Variants in SLC9A3 observed in about 807,000 individuals in gnomAD.
SLC9A3 encodes the protein sodium/hydrogen exchanger 3.
Under a neutral mutation model 86.8 loss-of-function variants are expected in SLC9A3, and 37 were observed. The ratio of observed to expected loss-of-function variants is 0.43; its 90% CI spans 0.33 to 0.56. SLC9A3 has a LOEUF of 0.56. Among genes scored for constraint, SLC9A3 ranks in the 20% least tolerant of loss-of-function variants. The pLI is 0.06. For synonymous variants in SLC9A3, 581 were observed against 528.3 expected, an observed-to-expected ratio of 1.10 and a Z score of -1.37; for missense variants, 1,011 against 1,171.9, an observed-to-expected ratio of 0.86 and a Z score of 2.00.
chr5:490,931 C>T (rs1407299276), intron 2 of SLC9A3, among the ~76,000 whole-genome samples: 1 of 152,204 alleles, frequency 6.6e-6, no homozygotes, highest in South Asian at 2.1e-4. Flanking sequence ...GCGGCCCCAA[C>T]CCGGGAGCTC....
chr5:502,367 A>G (rs1238680139), intron 1 of SLC9A3, among the ~76,000 whole-genome samples: 3 of 152,172 alleles, frequency 2.0e-5, no homozygotes, highest in Non-Finnish European at 2.9e-5. Context: ...CCCACAGCAG[A>G]GGAAAGACCT....
intron 12 of SLC9A3, 76 bp downstream of exon 12, chr5:476,467 G>A: frequency 1.2e-6 from 2 of 1,602,498 alleles, no homozygotes. Context: ...GATCCCCCGT[G>A]GTCCCAGGAG....
Position 475,049 on chromosome 5 carries a change from C to A in SLC9A3, c.2335G>T (p.Glu779Ter). The change falls in exon 16 of 17, where the codon GAG (glutamate) becomes TAG (stop). Residue 779 changes from glutamate (E) to a stop codon, truncating the protein, a stop_gained. Transcript: ENST00000264938. LOFTEE classifies it high-confidence loss of function. ...ARLPPWLSPG[E>*]TVVPSQRART... ...GCCCTCTGCGAGGGGACCACCGTCT[C>A]CCCGGGAGACAGCCAGGGCGGCAGC... is the stretch of plus-strand genomic sequence containing the variant. 1 of 1,612,260 alleles carries A rather than the reference C, an allele frequency of 6.2e-7. No homozygotes were observed. Among genetic ancestry groups the A allele is most frequent in the Non-Finnish European group, 8.5e-7 (1 of 1,179,738 alleles).
At chr5:476,795 T>C (rs890977) in intron 11 of SLC9A3, 123 bp from the exon 12 acceptor site, 1,080,699 of 1,239,260 alleles carry the variant, frequency 0.87, 474,514 homozygotes, top group African/African-American at 0.96. Context: ...CGCCTTCCCA[T>C]GGTGGGCACC....
intron 1 of SLC9A3, among the ~76,000 whole-genome samples, chr5:513,157 T>G (rs1560974985): frequency 6.6e-6 from 1 of 152,086 alleles, no homozygotes; most frequent in Non-Finnish European, 1.5e-5. Flanking sequence ...CTGGGACCAC[T>G]GAGATGCCAG....
intron 11 of SLC9A3, chr5:476,971 C>T: frequency 3.8e-6 from 2 of 527,398 alleles, no homozygotes; most frequent in Non-Finnish European, 6.9e-6. Flanking sequence ...CCAGCATCTG[C>T]ACATCTGGCA....
At position 475,553 on chromosome 5, in the gene SLC9A3, G is replaced by A. The variant is rs761183422; in HGVS notation, c.2251+8C>T. The A allele has an allele frequency of 1.4e-5, 21 of 1,515,776 alleles. No individual in the cohort carries two copies. In the South Asian group the frequency reaches 1.7e-4, roughly 12 times the overall value. The allele number at this position is 1,515,776 out of a possible 1,614,324, so 93.9% of individuals were successfully genotyped here. On this transcript the variant is annotated splice_region_variant and intron_variant, in intron 15 of 16. Coordinates refer to ENST00000264938, the MANE Select transcript of SLC9A3 (RefSeq NM_004174.4). ...CCCTTAGCCACGACGCCTGTGCCCCGTCCCCACCTGCAGGGGAGTCGGACG... is the reference window on the plus strand; with the variant it reads ...CCCTTAGCCACGACGCCTGTGCCCCATCCCCACCTGCAGGGGAGTCGGACG...
At chr5:502,577 A>C (rs1196657608) in intron 1 of SLC9A3, among the ~76,000 whole-genome samples, 1 of 152,252 alleles carries the variant, frequency 6.6e-6, no homozygotes, top group Non-Finnish European at 1.5e-5. Flanking sequence ...TCAGAGGAGA[A>C]CGCAAGATGG....
Position 500,219 on chromosome 5 carries a change from C to T in SLC9A3, c.212-8148G>A, listed in dbSNP as rs904677562. Among the ~76,000 whole-genome samples, 6 of 152,228 alleles carry T rather than the reference C, an allele frequency of 3.9e-5. No homozygotes were observed. The East Asian group carries it at 7.7e-4, about 20-fold the overall frequency. Reference sequence around the variant, plus strand: ...GGAACCAGGCGGTGTGGGACCCTCCCGAGACGCACTATGCAGAGCCTGGGC... The same window carrying T: ...GGAACCAGGCGGTGTGGGACCCTCCTGAGACGCACTATGCAGAGCCTGGGC... On this transcript the variant is annotated intron_variant, in intron 1 of 16. Coordinates refer to ENST00000264938, the MANE Select transcript of SLC9A3 (RefSeq NM_004174.4).
intron 1 of SLC9A3, among the ~76,000 whole-genome samples, chr5:493,660 G>A (rs528038375): frequency 5.3e-5 from 8 of 152,330 alleles, no homozygotes; most frequent in South Asian, 4.1e-4. Flanking sequence ...GCGGTCTCCC[G>A]ACCCTGTCCC....
chr5:494,708 C>T (rs1156473059), intron 1 of SLC9A3, among the ~76,000 whole-genome samples: 1 of 152,224 alleles, frequency 6.6e-6, no homozygotes, highest in Non-Finnish European at 1.5e-5. Context: ...CGCCTGCCCA[C>T]CCGCAGGCTG....
At position 477,324 on chromosome 5, in the gene SLC9A3, C is replaced by T. The variant is rs1436786896; in HGVS notation, c.1760+8G>A. 1.3e-6 allele frequency: 2 copies of T among 1,576,070 alleles called. No homozygotes were observed. Among genetic ancestry groups the T allele is most frequent in the Non-Finnish European group, 1.7e-6 (2 of 1,150,684 alleles). On this transcript the variant is annotated splice_region_variant and intron_variant, in intron 11 of 16. Transcript: ENST00000264938. Reference sequence around the variant, plus strand: ...CCCCAGGGAAGCTGCATGACCATGGCCACATACAGGAGGTAGGAGACAGAG... The same window carrying T: ...CCCCAGGGAAGCTGCATGACCATGGTCACATACAGGAGGTAGGAGACAGAG...
intron 10 of SLC9A3, chr5:477,766 T>C: frequency 3.5e-6 from 1 of 285,296 alleles, no homozygotes; most frequent in Middle Eastern, 1.0e-3. Context: ...GGGAAAGTGT[T>C]GATACTGCAG....
intron 1 of SLC9A3, among the ~76,000 whole-genome samples, chr5:520,832 C>T (rs1032328135): frequency 6.6e-6 from 1 of 152,124 alleles, no homozygotes; most frequent in Non-Finnish European, 1.5e-5. Context: ...CCCAGTGCTG[C>T]CAGGCCTGGC....
In SLC9A3 at chr5:475,035, G is replaced by C; in HGVS notation, c.2349C>G (p.Pro783=). The C allele has an allele frequency of 6.2e-7, 1 of 1,612,318 alleles. No individual in the cohort carries two copies. The change falls in exon 16 of 17, where the codon CCC becomes CCG. Residue 783 remains proline, a synonymous_variant. Transcript: ENST00000264938. ...PWLSPGETVV[P]SQRARTQIPY... ...GAATCTGCGTGCGGGCCCTCTGCGA[G>C]GGGACCACCGTCTCCCCGGGAGACA...
At chr5:488,625 TC>T in intron 2 of SLC9A3, 149 bp from the exon 3 acceptor site, 1 of 761,996 alleles carries the variant, frequency 1.3e-6, no homozygotes, top group Non-Finnish European at 2.1e-6. Flanking sequence ...CCTGCGTCCC[TC>T]CCACAGACCC....
At chr5:508,252 G>C (rs143095099) in intron 1 of SLC9A3, among the ~76,000 whole-genome samples, 26 of 151,674 alleles carry the variant, frequency 1.7e-4, no homozygotes, top group Non-Finnish European at 3.2e-4. Context: ...GGATGGAGAT[G>C]CCGCAGAGAG....
chr5:474,887 G>C lies in SLC9A3; in HGVS notation c.2497C>G (p.His833Asp). 1.9e-6 allele frequency: 3 copies of C among 1,594,660 alleles called. No homozygotes were observed. Among genetic ancestry groups the C allele is most frequent in the Non-Finnish European group, 2.6e-6 (3 of 1,171,894 alleles). Reference sequence around the variant, plus strand: ...CGGGAGGCCCGGGAGCGTTACATGTGTGTGGACTCGGGGAGGGCGGCGGGG... The same window carrying C: ...CGGGAGGCCCGGGAGCGTTACATGTCTGTGGACTCGGGGAGGGCGGCGGGG... ...RPPAALPESTHM is the reference protein window; with the variant it reads ...RPPAALPESTDM Residue 833 changes from histidine (H) to aspartate (D), a missense_variant, in exon 16 of 17, where the codon CAC (histidine) becomes GAC (aspartate). Around this residue, in one of 3 missense-constraint regions of SLC9A3, gnomAD observed 397 missense variants for 346.3 expected, o/e 1.15. Transcript: ENST00000264938.
Position 497,374 on chromosome 5 carries a change from G to T in SLC9A3, c.212-5303C>A, listed in dbSNP as rs989423436. Among the ~76,000 whole-genome samples the T allele has an allele frequency of 1.3e-5, 2 of 152,136 alleles. No homozygotes were observed. Among genetic ancestry groups the T allele is most frequent in the African/African-American group, 4.8e-5 (2 of 41,436 alleles). On this transcript the variant is annotated intron_variant, in intron 1 of 16. Coordinates refer to ENST00000264938, the MANE Select transcript of SLC9A3 (RefSeq NM_004174.4). The surrounding 1 kb of genome is among the most constrained non-coding windows in gnomAD (Gnocchi z 5.4). ...TCTCTGCTCCCGGGTCTCAAATCCGGGTTCTTCCCTTGACAGCTGGCGTCC... is the reference window on the plus strand; with the variant it reads ...TCTCTGCTCCCGGGTCTCAAATCCGTGTTCTTCCCTTGACAGCTGGCGTCC...
Sources: gnomAD v4.1 joint callset for allele counts (sites outside exome capture counted in the v4.1 genomes callset) on GRCh38, gnomAD v4.1.1 for gene constraint, gnomAD v4.1.1 regional missense constraint, Gnocchi (gnomAD v3.1) non-coding constraint, MANE v1.5 for transcripts, NCBI Gene and HGNC (gene_info 2026-07-23, HGNC 2026-07-21) for gene names.